LCORL: variants seen among roughly 807,000 people sequenced by gnomAD.
LCORL encodes ligand-dependent nuclear receptor corepressor-like protein.
LCORL carries 41 observed loss-of-function variants against 141.8 expected under a neutral mutation model. The ratio of observed to expected loss-of-function variants is 0.29; its 90% CI spans 0.23 to 0.38. LCORL has a LOEUF of 0.38. LCORL is among the 10% of genes least tolerant of loss of function. LCORL has a pLI of 1.00. For missense variants in LCORL, 1,759 were observed against 2,035.0 expected, an observed-to-expected ratio of 0.86 and a Z score of 2.61; for synonymous variants, 618 against 694.1, an observed-to-expected ratio of 0.89 and a Z score of 1.72.
intron 6 of LCORL, chr4:17,883,659 TACAC>T (rs914115859): frequency 5.6e-6 from 8 of 1,433,736 alleles, no homozygotes; most frequent in African/African-American, 3.2e-5. Flanking sequence ...CCTGTGCACA[TACAC>T]ACACACGCAA....
chr4:17,888,402 T>A (rs1479645153), intron 5 of LCORL, among the ~76,000 whole-genome samples: 1 of 152,116 alleles, frequency 6.6e-6, no homozygotes, highest in Non-Finnish European at 1.5e-5. Context: ...CACGTCTCAT[T>A]TATCTATGTA....
At position 17,884,789 on chromosome 4, in the gene LCORL, A is replaced by C; in HGVS notation, c.776+1279T>G. Reference sequence around the variant, plus strand: ...GAATGAAACGATGGTAAACTGATGCATGAGAGACTCTCACACAGCTATGGA... The same window carrying C: ...GAATGAAACGATGGTAAACTGATGCCTGAGAGACTCTCACACAGCTATGGA... On this transcript the variant is annotated intron_variant, in intron 6 of 7. Coordinates refer to ENST00000635767, the Ensembl canonical transcript of LCORL. This position sits in a 1 kb window ranked among gnomAD's most constrained non-coding sequence, Gnocchi z 4.4. The C allele has an allele frequency of 8.5e-7, 1 of 1,183,396 alleles. No homozygotes were observed. The highest frequency in any genetic ancestry group is 1.2e-6 in the Non-Finnish European group (1 of 865,952). The allele number at this position is 1,183,396 out of a possible 1,614,324, so 73.3% of individuals were successfully genotyped here.
intron 7 of LCORL, among the ~76,000 whole-genome samples, chr4:17,851,690 C>G (rs1470868778): frequency 1.3e-5 from 2 of 152,078 alleles, no homozygotes; most frequent in African/African-American, 2.4e-5. Flanking sequence ...ATCTATAGAG[C>G]TGACGAGGAG....
At chr4:18,004,927 C>T (rs1164648211) in intron 1 of LCORL, among the ~76,000 whole-genome samples, 4 of 143,068 alleles carry the variant, frequency 2.8e-5, no homozygotes, top group African/African-American at 1.0e-4. Context: ...GCAGTCAAAG[C>T]TTTTTTTTTT....
intron 1 of LCORL, among the ~76,000 whole-genome samples, chr4:17,994,396 T>C (rs902865397): frequency 2.0e-5 from 3 of 152,150 alleles, no homozygotes; most frequent in Admixed American, 6.5e-5. Flanking sequence ...ACTTCAGGTA[T>C]TCACAGAAGC....
At chr4:17,970,488 G>T (rs1275456877) in intron 2 of LCORL, among the ~76,000 whole-genome samples, 1 of 152,126 alleles carries the variant, frequency 6.6e-6, no homozygotes, top group African/African-American at 2.4e-5. Flanking sequence ...AATACACAAG[G>T]TAGTATTTCT....
chr4:17,957,824 C>T (rs937406868), intron 4 of LCORL, among the ~76,000 whole-genome samples: 1 of 151,714 alleles, frequency 6.6e-6, no homozygotes, highest in African/African-American at 2.4e-5. Flanking sequence ...AAAAGGGCAA[C>T]CTATATAAGA....
chr4:17,961,675 CAG>C (rs1363721088), intron 4 of LCORL, among the ~76,000 whole-genome samples: 1 of 151,748 alleles, frequency 6.6e-6, no homozygotes, highest in Non-Finnish European at 1.5e-5. Context: ...GTGATAAAGT[CAG>C]AGAGATACTT....
At chr4:17,852,113 T>TGCG (rs200855915) in intron 7 of LCORL, among the ~76,000 whole-genome samples, 1 of 152,218 alleles carries the variant, frequency 6.6e-6, no homozygotes, top group East Asian at 1.9e-4. Flanking sequence ...ACATTCTAAA[T>TGCG]GCTATGTCAT....
intron 1 of LCORL, among the ~76,000 whole-genome samples, chr4:18,015,275 A>G (rs1025262993): frequency 6.6e-6 from 1 of 152,212 alleles, no homozygotes; most frequent in African/African-American, 2.4e-5. Context: ...CAAGGGATGT[A>G]GTATGTGCAC....
exon 8 of LCORL, chr4:17,843,410 T>A: frequency 3.1e-6 from 5 of 1,611,310 alleles, no homozygotes; most frequent in Non-Finnish European, 4.2e-6. Flanking sequence ...AATTTCTCAA[T>A]GAAGATCTAA....
At chr4:17,845,439 A>G in exon 8 of LCORL, 1 of 251,062 alleles carries the variant, frequency 4.0e-6, no homozygotes, top group East Asian at 8.0e-5. Flanking sequence ...GTGCACAGAA[A>G]TAAAACTAGG....
intron 7 of LCORL, among the ~76,000 whole-genome samples, chr4:17,867,970 A>G (rs937183516): frequency 6.6e-6 from 1 of 152,202 alleles, no homozygotes; most frequent in African/African-American, 2.4e-5. Context: ...TCAAATATAA[A>G]CAGAATGTAT....
At position 18,021,835 on chromosome 4, in the gene LCORL, G is replaced by A. The variant is rs1313838446; in HGVS notation, c.-84C>T. On this transcript the variant is annotated 5_prime_UTR_variant, in exon 1 of 8. Coordinates refer to ENST00000635767, the Ensembl canonical transcript of LCORL. The surrounding 1 kb of genome is among the most constrained non-coding windows in gnomAD (Gnocchi z 5.5). ...GCGCGAGCCCTCGGCGCGAGCCCCGGAGCGCGCGCCCCCCGGAGGGGGGTT... is the reference window on the plus strand; with the variant it reads ...GCGCGAGCCCTCGGCGCGAGCCCCGAAGCGCGCGCCCCCCGGAGGGGGGTT... 14 of 1,389,490 alleles carry A rather than the reference G, an allele frequency of 1.0e-5. No individual in the cohort carries two copies. The East Asian group carries it at 4.1e-4, about 41-fold the overall frequency. The allele number at this position is 1,389,490 out of a possible 1,614,324, so 86.1% of individuals were successfully genotyped here. A position where few individuals can be genotyped will look rare whatever the true frequency, so the allele number is the denominator to read the frequency against.
chr4:17,906,435 A>G (rs1731631421), intron 5 of LCORL, among the ~76,000 whole-genome samples: 1 of 152,172 alleles, frequency 6.6e-6, no homozygotes, highest in Admixed American at 6.5e-5. Context: ...TCTATCCTCA[A>G]GAAGACTAGA....
At chr4:17,995,013 A>C (rs1316379253) in intron 1 of LCORL, among the ~76,000 whole-genome samples, 1 of 152,086 alleles carries the variant, frequency 6.6e-6, no homozygotes, top group Non-Finnish European at 1.5e-5. Context: ...CCCAATTTGC[A>C]AGTTAAAAAC....
At position 17,952,705 on chromosome 4, in the gene LCORL, G is replaced by A. The variant is rs192790573; in HGVS notation, c.430+9198C>T. ...GCTGGGATTACAGGCGTGAGCCACC[G>A]CCCCCGGCCAAAAACAATTTTTTAA... is the stretch of plus-strand genomic sequence containing the variant. On this transcript the variant is annotated intron_variant, in intron 4 of 7. Coordinates refer to ENST00000635767, the Ensembl canonical transcript of LCORL. Among the ~76,000 whole-genome samples the A allele has an allele frequency of 2.2e-3, 332 of 152,216 alleles. 1 individual carries two copies. The highest frequency in any genetic ancestry group is 7.6e-3 in the African/African-American group (317 of 41,536).
intron 5 of LCORL, among the ~76,000 whole-genome samples, chr4:17,901,230 GGAGA>G (rs1463846669): frequency 6.6e-6 from 1 of 151,942 alleles, no homozygotes; most frequent in African/African-American, 2.4e-5. Flanking sequence ...AACAAAACAG[GGAGA>G]GAAAGAGTGA....
At chr4:17,871,717 T>C (rs1293287791) in intron 7 of LCORL, among the ~76,000 whole-genome samples, 1 of 151,752 alleles carries the variant, frequency 6.6e-6, no homozygotes, top group East Asian at 1.9e-4. Context: ...AGATGAATTA[T>C]AATAAAAAAA....
Sources: allele counts gnomAD v4.1 joint callset (sites outside exome capture counted in the v4.1 genomes callset), GRCh38; gene constraint gnomAD v4.1.1; non-coding constraint Gnocchi (gnomAD v3.1); transcripts MANE v1.5; gene names NCBI Gene and HGNC (gene_info 2026-07-23, HGNC 2026-07-21).